LINGO2: variants seen among roughly 807,000 people sequenced by gnomAD.
LINGO2 encodes the protein leucine rich repeat and Ig domain containing 2.
In LINGO2, 14 loss-of-function variants were observed where a neutral mutation model predicts 30.6. That is an observed-to-expected ratio of 0.46 (90% CI 0.30 to 0.72). LINGO2 has a LOEUF of 0.72. Ranked by LOEUF, LINGO2 falls within the 30% of genes least tolerant of loss-of-function variation. The probability of loss-of-function intolerance (pLI) is 0.07; values close to 1 mark genes in which losing one functional copy is unlikely to be tolerated. For synonymous variants in LINGO2, 317 were observed against 288.5 expected, an observed-to-expected ratio of 1.10 and a Z score of -1.00; for missense variants, 729 against 751.7, an observed-to-expected ratio of 0.97 and a Z score of 0.35.
the LINGO2 span, among the ~76,000 whole-genome samples, chr9:28,867,391 A>G: frequency 6.6e-6 from 1 of 152,126 alleles, no homozygotes; most frequent in South Asian, 2.1e-4. Context: ...AATGCAAGTC[A>G]GGGTATAAAA....
intron 4 of LINGO2, among the ~76,000 whole-genome samples, chr9:28,221,575 G>A (rs1820969382): frequency 3.9e-5 from 6 of 152,004 alleles, no homozygotes; most frequent in Admixed American, 3.9e-4. Context: ...AGAAATTACT[G>A]GTAATAAAGG....
the LINGO2 span, among the ~76,000 whole-genome samples, chr9:29,183,479 G>A: frequency 1.3e-5 from 2 of 152,224 alleles, no homozygotes; most frequent in Admixed American, 1.3e-4. Context: ...AAAAGTAAGG[G>A]CAAGGTCAGG....
At chr9:28,215,734 G>A (rs979423061) in intron 4 of LINGO2, among the ~76,000 whole-genome samples, 2 of 151,636 alleles carry the variant, frequency 1.3e-5, no homozygotes, top group African/African-American at 4.8e-5. Context: ...AAAATACGCG[G>A]GACCAGAACT....
chr9:28,532,573 GTATTTATCATATACT>G (rs1821275116), intron 1 of LINGO2, among the ~76,000 whole-genome samples: 1 of 152,008 alleles, frequency 6.6e-6, no homozygotes, highest in African/African-American at 2.4e-5. Context: ...CACTCTCTAT[GTATTTATCATATACT>G]TATTCATTTG....
chr9:28,333,281 T>C (rs1239875044), intron 3 of LINGO2, among the ~76,000 whole-genome samples: 1 of 152,182 alleles, frequency 6.6e-6, no homozygotes, highest in African/African-American at 2.4e-5. Context: ...CAATAAAAAA[T>C]ATCTACAGTT....
intron 4 of LINGO2, among the ~76,000 whole-genome samples, chr9:28,276,894 T>G (rs1349157248): frequency 5.9e-5 from 9 of 152,216 alleles, no homozygotes; most frequent in Admixed American, 5.9e-4. Context: ...ATGTAACATT[T>G]CCTTCTCTCT....
chr9:29,012,608 T>C, the LINGO2 span, among the ~76,000 whole-genome samples: 2 of 152,116 alleles, frequency 1.3e-5, no homozygotes, highest in African/African-American at 4.8e-5. Flanking sequence ...ATATTAATGA[T>C]ATAATTACAA....
At chr9:28,617,148 A>G (rs891113303) in intron 1 of LINGO2, among the ~76,000 whole-genome samples, 1 of 152,168 alleles carries the variant, frequency 6.6e-6, no homozygotes, top group Non-Finnish European at 1.5e-5. Context: ...AGCTAATAAC[A>G]TATTAAAACC....
chr9:28,759,892 A>T, the LINGO2 span, among the ~76,000 whole-genome samples: 1 of 152,030 alleles, frequency 6.6e-6, no homozygotes, highest in Non-Finnish European at 1.5e-5. Context: ...AACATGGGTC[A>T]GACCCCACTT....
the LINGO2 span, among the ~76,000 whole-genome samples, chr9:28,788,285 A>C: frequency 1.3e-5 from 2 of 152,226 alleles, no homozygotes; most frequent in Non-Finnish European, 2.9e-5. Context: ...ACTACAGTGA[A>C]CTGTGTCAGA....
At chr9:28,092,891 T>C (rs976474738) in intron 4 of LINGO2, among the ~76,000 whole-genome samples, 3 of 152,074 alleles carry the variant, frequency 2.0e-5, no homozygotes, top group Non-Finnish European at 4.4e-5. Context: ...GCCCTTCTCA[T>C]ATACCAGACA....
the LINGO2 span, among the ~76,000 whole-genome samples, chr9:28,953,652 T>C: frequency 8.3e-3 from 1,264 of 152,202 alleles, 61 homozygotes; most frequent in East Asian, 0.15. Context: ...TATATTATTT[T>C]AGTGGAAACC....
In LINGO2 at chr9:28,262,117, T is replaced by A. The variant is rs1373570265; in HGVS notation, c.-87+33091A>T. On this transcript the variant is annotated intron_variant, in intron 4 of 5. Transcript: ENST00000379992. ...ATCTTCCTTTTAGGGTTATGTAATC[T>A]TTTTGTGCATGCTTTTTTTAAATTT... Among the ~76,000 whole-genome samples, 7 of 151,956 alleles carry A rather than the reference T, an allele frequency of 4.6e-5. No homozygotes were observed. The South Asian group carries it at 8.3e-4, about 18-fold the overall frequency.
At chr9:28,827,250 A>T in the LINGO2 span, among the ~76,000 whole-genome samples, 1 of 152,154 alleles carries the variant, frequency 6.6e-6, no homozygotes, top group Admixed American at 6.6e-5. Context: ...TCCAATATTC[A>T]TGGTAACTAG....
chr9:29,075,956 C>T, the LINGO2 span, among the ~76,000 whole-genome samples: 3 of 152,064 alleles, frequency 2.0e-5, no homozygotes, highest in Non-Finnish European at 4.4e-5. Flanking sequence ...GTGCAATCAA[C>T]AGCTCACAGC....
intron 2 of LINGO2, among the ~76,000 whole-genome samples, chr9:28,386,408 A>G (rs561758510): frequency 6.6e-6 from 1 of 152,162 alleles, no homozygotes; most frequent in African/African-American, 2.4e-5. Context: ...TAAACTGTAC[A>G]TATCCTGTTC....
At chr9:29,183,014 T>A in the LINGO2 span, among the ~76,000 whole-genome samples, 1 of 152,082 alleles carries the variant, frequency 6.6e-6, no homozygotes, top group Non-Finnish European at 1.5e-5. Flanking sequence ...AAAACCTGCA[T>A]GTGGGCAAAA....
chr9:28,868,315 T>C, the LINGO2 span, among the ~76,000 whole-genome samples: 1 of 152,174 alleles, frequency 6.6e-6, no homozygotes, highest in African/African-American at 2.4e-5. Flanking sequence ...AAAGATCATT[T>C]GTCTAAGCAG....
At chr9:28,525,088 C>T (rs549098074) in intron 1 of LINGO2, among the ~76,000 whole-genome samples, 177 of 151,742 alleles carry the variant, frequency 1.2e-3, no homozygotes, top group African/African-American at 4.1e-3. Context: ...ATATGAATCA[C>T]GAAAAAGGAC....
Sources: gnomAD v4.1 joint callset for allele counts (sites outside exome capture counted in the v4.1 genomes callset) on GRCh38, gnomAD v4.1.1 for gene constraint, MANE v1.5 for transcripts, NCBI Gene and HGNC (gene_info 2026-07-23, HGNC 2026-07-21) for gene names.